NRG3: variants seen among roughly 807,000 people sequenced by gnomAD.
NRG3 encodes pro-neuregulin-3, membrane-bound isoform.
In NRG3, 31 loss-of-function variants were observed where a neutral mutation model predicts 66.9. That is an observed-to-expected ratio of 0.46 (90% CI 0.35 to 0.63). The LOEUF is 0.63. Ranked by LOEUF, NRG3 falls within the 20% of genes least tolerant of loss-of-function variation. The pLI is 0.00. For synonymous variants in NRG3, 393 were observed against 359.4 expected (o/e 1.09, Z -1.06); for missense variants, 910 against 878.9 (o/e 1.04, Z -0.45).
chr10:82,128,925 A>G (rs898875081), intron 1 of NRG3, among the ~76,000 whole-genome samples: 2 of 151,910 alleles, frequency 1.3e-5, no homozygotes, highest in African/African-American at 4.8e-5. Context: ...GGTACCCTAA[A>G]TTTTTGAAGG....
intron 1 of NRG3, among the ~76,000 whole-genome samples, chr10:82,291,149 A>G (rs2134600931): frequency 6.7e-6 from 1 of 149,382 alleles, no homozygotes; most frequent in Non-Finnish European, 1.5e-5. Context: ...AGAGTACAAG[A>G]TTAACAACAC....
intron 2 of NRG3, among the ~76,000 whole-genome samples, chr10:82,726,002 G>C (rs1477091840): frequency 6.6e-6 from 1 of 152,088 alleles, no homozygotes; most frequent in East Asian, 1.9e-4. Flanking sequence ...CAAGGATGGG[G>C]CCTTAATCCT....
At chr10:82,648,462 T>C (rs1446747132) in intron 2 of NRG3, among the ~76,000 whole-genome samples, 1 of 152,246 alleles carries the variant, frequency 6.6e-6, no homozygotes, top group African/African-American at 2.4e-5. Context: ...TTTGTTCTTT[T>C]GGCTTAGGAT....
rs77405585 is a variant in NRG3, at chr10:82,974,693, A to G, written c.1412+778A>G. On this transcript the variant is annotated intron_variant, in intron 7 of 8. Transcript: ENST00000372141. ...GTACAATATTTTACAATTTGAAAAAATTATGAAAAATTAAACATTTTAACA... is the reference window on the plus strand; with the variant it reads ...GTACAATATTTTACAATTTGAAAAAGTTATGAAAAATTAAACATTTTAACA... Among the ~76,000 whole-genome samples the G allele has an allele frequency of 9.6e-3, 1,456 of 152,340 alleles. 19 individuals are homozygous for G. Among genetic ancestry groups the G allele is most frequent in the South Asian group, 0.049 (235 of 4,824 alleles).
chr10:82,299,374 A>G (rs558768374), intron 1 of NRG3, among the ~76,000 whole-genome samples: 1 of 152,316 alleles, frequency 6.6e-6, no homozygotes, highest in South Asian at 2.1e-4. Context: ...CAGAAAGGTT[A>G]AGTAACTTTC....
chr10:82,242,913 A>G (rs1671427975), intron 1 of NRG3, among the ~76,000 whole-genome samples: 2 of 152,178 alleles, frequency 1.3e-5, no homozygotes, highest in South Asian at 2.1e-4. Flanking sequence ...CTGAGTTTCT[A>G]CCTACAGTCT....
intron 1 of NRG3, among the ~76,000 whole-genome samples, chr10:81,998,780 G>A (rs1172274922): frequency 6.6e-6 from 1 of 152,080 alleles, no homozygotes; most frequent in East Asian, 1.9e-4. Context: ...ATCTTAAGTA[G>A]GGCTTCCCTT....
At chr10:82,503,882 T>C (rs1844426425) in intron 2 of NRG3, among the ~76,000 whole-genome samples, 1 of 152,184 alleles carries the variant, frequency 6.6e-6, no homozygotes, top group Non-Finnish European at 1.5e-5. Flanking sequence ...TTCATGCTTT[T>C]GAACTAATGT....
At chr10:82,946,780 A>G (rs1343288434) in intron 4 of NRG3, among the ~76,000 whole-genome samples, 3 of 152,184 alleles carry the variant, frequency 2.0e-5, no homozygotes, top group African/African-American at 7.2e-5. Context: ...ATATGATTTA[A>G]TTTATATATT....
At chr10:82,401,244 A>G (rs956270223) in intron 2 of NRG3, among the ~76,000 whole-genome samples, 1 of 152,160 alleles carries the variant, frequency 6.6e-6, no homozygotes, top group Non-Finnish European at 1.5e-5. Context: ...GTATTTATAT[A>G]TGTTATATTG....
intron 6 of NRG3, among the ~76,000 whole-genome samples, chr10:82,972,468 C>A (rs970666738): frequency 1.3e-5 from 2 of 152,100 alleles, no homozygotes; most frequent in African/African-American, 4.8e-5. Flanking sequence ...AAATATCTTC[C>A]ACTCCTTCCT....
At chr10:82,391,132 G>A (rs914444255) in intron 2 of NRG3, among the ~76,000 whole-genome samples, 4 of 152,118 alleles carry the variant, frequency 2.6e-5, no homozygotes, top group East Asian at 1.9e-4. Context: ...AAACATAAAC[G>A]TATGACAACA....
intron 2 of NRG3, among the ~76,000 whole-genome samples, chr10:82,512,093 TAAGGTAG>T (rs1053673902): frequency 1.3e-5 from 2 of 152,038 alleles, no homozygotes; most frequent in African/African-American, 4.8e-5. Flanking sequence ...AACAATATAA[TAAGGTAG>T]TTGCTGATAT....
At chr10:82,226,170 A>G (rs1415574094) in intron 1 of NRG3, among the ~76,000 whole-genome samples, 1 of 152,160 alleles carries the variant, frequency 6.6e-6, no homozygotes, top group Admixed American at 6.6e-5. Context: ...AGTTTTCCCT[A>G]AAGGAGAAGC....
chr10:82,620,415 AGAGGGGAT>A (rs2048966576), intron 2 of NRG3, among the ~76,000 whole-genome samples: 1 of 152,140 alleles, frequency 6.6e-6, no homozygotes, highest in Non-Finnish European at 1.5e-5. Context: ...GGGGAGCTGG[AGAGGGGAT>A]GGGGCAGGCA....
intron 2 of NRG3, among the ~76,000 whole-genome samples, chr10:82,596,918 T>C (rs1174451555): frequency 6.6e-6 from 1 of 152,208 alleles, no homozygotes; most frequent in Non-Finnish European, 1.5e-5. Context: ...GTCTCATTTT[T>C]GAGGAAACTT....
At chr10:82,974,050 A>G (rs1361725443) in intron 7 of NRG3, 135 bp downstream of exon 7, 3 of 935,628 alleles carry the variant, frequency 3.2e-6, no homozygotes, top group Admixed American at 5.0e-5. Context: ...TGTGGAGTAA[A>G]TGCTCAAACA....
At chr10:82,380,356 A>C (rs1044554615) in intron 2 of NRG3, among the ~76,000 whole-genome samples, 5 of 152,310 alleles carry the variant, frequency 3.3e-5, no homozygotes, top group African/African-American at 1.2e-4. Flanking sequence ...AAGGTAATTA[A>C]GTTCCAGTTA....
chr10:82,434,678 G>T (rs541317761), intron 2 of NRG3, among the ~76,000 whole-genome samples: 1 of 152,208 alleles, frequency 6.6e-6, no homozygotes, highest in African/African-American at 2.4e-5. Context: ...TTTTATCAGA[G>T]GCTTTTTCTG....
Sources: allele counts gnomAD v4.1 joint callset (sites outside exome capture counted in the v4.1 genomes callset), GRCh38; gene constraint gnomAD v4.1.1; transcripts MANE v1.5; gene names NCBI Gene and HGNC (gene_info 2026-07-23, HGNC 2026-07-21).